The following PXK variants were observed in gnomAD, a reference collection of about 807,000 sequenced individuals.
PXK encodes PX domain containing serine/threonine kinase like, also known as PX domain-containing protein kinase-like protein.
In PXK, 35 loss-of-function variants were observed where a neutral mutation model predicts 84.7. That is an observed-to-expected ratio of 0.41 (90% CI 0.32 to 0.55). PXK has a LOEUF of 0.55. Ranked by LOEUF, PXK falls within the 20% of genes least tolerant of loss-of-function variation. PXK has a pLI of 0.21. For synonymous variants in PXK, 253 were observed against 260.8 expected, an observed-to-expected ratio of 0.97 and a Z score of 0.29; for missense variants, 634 against 699.7, an observed-to-expected ratio of 0.91 and a Z score of 1.06.
In PXK at chr3:58,383,625, C is replaced by T. The variant is rs957447795; in HGVS notation, c.388+925C>T. Among the ~76,000 whole-genome samples the T allele has an allele frequency of 2.0e-4, 30 of 152,138 alleles. No homozygotes were observed. Among genetic ancestry groups the T allele is most frequent in the African/African-American group, 6.8e-4 (28 of 41,416 alleles). On this transcript the variant is annotated intron_variant, in intron 4 of 17. Coordinates refer to ENST00000356151, the MANE Select transcript of PXK (RefSeq NM_017771.5). The surrounding 1 kb of genome is among the most constrained non-coding windows in gnomAD (Gnocchi z 4.0). The stretch of plus-strand genomic sequence containing the variant: ...GTTGAAAGGGCTTCTCTTCCAGTAC[C>T]GATTACACTCAAAGCTGGCATGAAT...
At position 58,390,594 on chromosome 3, in the gene PXK, A is replaced by C. The variant is rs763738578; in HGVS notation, c.401A>C (p.Gln134Pro). The C allele has an allele frequency of 5.0e-6, 8 of 1,613,022 alleles. No homozygotes were observed. The highest frequency in any genetic ancestry group is 6.8e-6 in the Non-Finnish European group (8 of 1,179,404). Residue 134 changes from glutamine to proline, a missense_variant, in exon 5 of 18, where the codon CAA (glutamine) becomes CCA (proline). This residue lies in a region of PXK where 353 missense variants were observed against 385.2 expected (regional missense o/e 0.92). Coordinates refer to ENST00000356151, the MANE Select transcript of PXK (RefSeq NM_017771.5). The surrounding 1 kb of genome is among the most constrained non-coding windows in gnomAD (Gnocchi z 4.2). ...AATGTCTTTGCAGAGATTGCCTTGCAACAGGTTTCCATGTTCTTCCGATCA... is the reference window on the plus strand; with the variant it reads ...AATGTCTTTGCAGAGATTGCCTTGCCACAGGTTTCCATGTTCTTCCGATCA... ...YSANYTEIALQQVSMFFRSEP... is the reference protein window; with the variant it reads ...YSANYTEIALPQVSMFFRSEP...
intron 8 of PXK, 56 bp from the exon 9 acceptor site, chr3:58,395,602 G>T: frequency 7.5e-7 from 1 of 1,332,670 alleles, no homozygotes; most frequent in Non-Finnish European, 1.1e-6. Flanking sequence ...GGGAGTCTGT[G>T]TGCAGATATT....
intron 17 of PXK, 21 bp from the exon 18 acceptor site, chr3:58,424,731 T>G (rs1323361218): frequency 6.8e-6 from 11 of 1,610,342 alleles, no homozygotes; most frequent in Non-Finnish European, 9.3e-6. Flanking sequence ...GAATACTGAT[T>G]GTCCCCCTTT....
chr3:58,415,721 A>AT (rs2060854857), intron 17 of PXK, among the ~76,000 whole-genome samples: 1 of 152,256 alleles, frequency 6.6e-6, no homozygotes, highest in Admixed American at 6.5e-5. Context: ...AAAGGAAGGC[A>AT]TTTATTGCAG....
chr3:58,343,223 G>A (rs1267423174), intron 1 of PXK, among the ~76,000 whole-genome samples: 2 of 152,108 alleles, frequency 1.3e-5, no homozygotes, highest in Non-Finnish European at 2.9e-5. Flanking sequence ...TCCTGGGCAG[G>A]GACTCATTGC....
intron 1 of PXK, among the ~76,000 whole-genome samples, chr3:58,336,119 C>G (rs1159671876): frequency 1.5e-5 from 2 of 136,512 alleles, no homozygotes; most frequent in Non-Finnish European, 3.1e-5. Flanking sequence ...CTGTGTTGCC[C>G]AGGCTGGTCT....
Position 58,377,616 on chromosome 3 carries a change from A to G in PXK, c.202-4898A>G, listed in dbSNP as rs556086127. Among the ~76,000 whole-genome samples the G allele has an allele frequency of 4.3e-4, 65 of 149,532 alleles. No individual in the cohort carries two copies. The East Asian group carries it at 8.9e-3, about 20-fold the overall frequency. On this transcript the variant is annotated intron_variant, in intron 3 of 17. Coordinates refer to ENST00000356151, the MANE Select transcript of PXK (RefSeq NM_017771.5). Reference sequence around the variant, plus strand: ...ACCCTATCTCTTTCTAAAAAAAAAAAAAAAGAAAAGAAAGAAAAGACTAAA... The same window carrying G: ...ACCCTATCTCTTTCTAAAAAAAAAAGAAAAGAAAAGAAAGAAAAGACTAAA...
At position 58,421,383 on chromosome 3, in the gene PXK, C is replaced by G. The variant is rs2061822902; in HGVS notation, c.1529-3369C>G. The stretch of plus-strand genomic sequence containing the variant: ...GATCACAAGGATCAGGAGTTCAAGA[C>G]CAACCTGGCCAACATGGTGAAACCC... On this transcript the variant is annotated intron_variant, in intron 17 of 17. Coordinates refer to ENST00000356151, the MANE Select transcript of PXK (RefSeq NM_017771.5). The surrounding 1 kb of genome is among the most constrained non-coding windows in gnomAD (Gnocchi z 5.5). 3 of 908,080 alleles carry G rather than the reference C, an allele frequency of 3.3e-6. No homozygotes were observed. Among genetic ancestry groups the G allele is most frequent in the Non-Finnish European group, 3.9e-6 (3 of 759,854 alleles). 56.3% of individuals were successfully genotyped at this position (908,080 alleles called of 1,614,324 possible). A position where few individuals can be genotyped will look rare whatever the true frequency, so the allele number is the denominator to read the frequency against.
At chr3:58,357,801 T>G (rs2098117095) in intron 1 of PXK, among the ~76,000 whole-genome samples, 1 of 152,096 alleles carries the variant, frequency 6.6e-6, no homozygotes, top group South Asian at 2.1e-4. Flanking sequence ...AATACAAAAA[T>G]TAGCCTGGCT....
chr3:58,387,524 A>G (rs12495490), intron 4 of PXK, among the ~76,000 whole-genome samples: 44,578 of 152,018 alleles, frequency 0.29, 7,320 homozygotes, highest in Middle Eastern at 0.39. Context: ...TTGGGGAAGG[A>G]GGCGGGGGCA....
At chr3:58,408,554 G>T (rs1196308968) in intron 13 of PXK, among the ~76,000 whole-genome samples, 11 of 147,756 alleles carry the variant, frequency 7.4e-5, no homozygotes, top group Non-Finnish European at 1.2e-4. Flanking sequence ...ATGGAGTCTC[G>T]CTCTGTCACC....
rs759467098 is a variant in PXK at position 58,391,827 on chromosome 3, A to C, written c.595A>C (p.Lys199Gln). 2.5e-6 allele frequency: 4 copies of C among 1,612,640 alleles called. No homozygotes were observed. The Admixed American group carries it at 6.7e-5, about 27-fold the overall frequency. The change falls in exon 7 of 18, where the codon AAA becomes CAA. Residue 199 changes from lysine to glutamine, a missense_variant. Lys to Gln is a moderately conservative substitution (Grantham distance 53). Coordinates refer to ENST00000356151, the MANE Select transcript of PXK (RefSeq NM_017771.5). ...AGATAAAGATTTTCAGTGTCTAATC[A>C]AACTTCTGCCTTCTTGTTTGGTGAG... ...LSDKDFQCLI[K>Q]LLPSCLHPYI... is the part of the protein sequence containing the mutation.
At chr3:58,381,206 G>A (rs2098498037) in intron 3 of PXK, among the ~76,000 whole-genome samples, 1 of 138,342 alleles carries the variant, frequency 7.2e-6, no homozygotes, top group Admixed American at 7.9e-5. Flanking sequence ...CCGAGATCAC[G>A]CCACTGCACT....
At chr3:58,343,915 C>T (rs2097775811) in intron 1 of PXK, among the ~76,000 whole-genome samples, 1 of 152,224 alleles carries the variant, frequency 6.6e-6, no homozygotes, top group South Asian at 2.1e-4. Flanking sequence ...TTTCCTTCCT[C>T]TGAAATTCCC....
intron 1 of PXK, among the ~76,000 whole-genome samples, chr3:58,358,248 C>T (rs2098124535): frequency 6.6e-6 from 1 of 152,178 alleles, no homozygotes; most frequent in Non-Finnish European, 1.5e-5. Context: ...ACAGCATATT[C>T]TTCGTGTCTT....
At chr3:58,392,782 C>T (rs1349206257) in intron 7 of PXK, among the ~76,000 whole-genome samples, 1 of 151,816 alleles carries the variant, frequency 6.6e-6, no homozygotes, top group Non-Finnish European at 1.5e-5. Flanking sequence ...CTGCCTCAGC[C>T]TCCCAAGTAG....
At chr3:58,384,474 C>A (rs1324748517) in intron 4 of PXK, among the ~76,000 whole-genome samples, 1 of 98,204 alleles carries the variant, frequency 1.0e-5, no homozygotes, top group East Asian at 3.3e-4. Context: ...GGATTCCATT[C>A]CTGCCTTCAC....
Position 58,383,185 on chromosome 3 carries a change from G to A in PXK, c.388+485G>A, listed in dbSNP as rs1040177607. ...CACATGCCTGTAATCCTAGCTACTC[G>A]GGAGGCTGAGGCAGGAGAATCGCTT... On this transcript the variant is annotated intron_variant, in intron 4 of 17. Coordinates refer to ENST00000356151, the MANE Select transcript of PXK (RefSeq NM_017771.5). The surrounding 1 kb of genome is among the most constrained non-coding windows in gnomAD (Gnocchi z 4.0). Among the ~76,000 whole-genome samples the A allele has an allele frequency of 6.6e-5, 10 of 152,136 alleles. No homozygotes were observed. Among genetic ancestry groups the A allele is most frequent in the African/African-American group, 2.2e-4 (9 of 41,498 alleles).
Position 58,333,364 on chromosome 3 carries a change from C to G in PXK, c.102+274C>G, listed in dbSNP as rs996268383. On this transcript the variant is annotated intron_variant, in intron 1 of 17. Coordinates refer to ENST00000356151, the MANE Select transcript of PXK (RefSeq NM_017771.5). This position sits in a 1 kb window ranked among gnomAD's most constrained non-coding sequence, Gnocchi z 5.4. The stretch of plus-strand genomic sequence containing the variant: ...CTCGGCGGCGACCAGGAAAGCGACT[C>G]CGAGTTGGGGGGCGGGGGCGGGGGC... 12 of 294,466 alleles carry G rather than the reference C, an allele frequency of 4.1e-5. No homozygotes were observed. Among genetic ancestry groups the G allele is most frequent in the African/African-American group, 2.8e-4 (12 of 43,166 alleles). The allele number at this position is 294,466 out of a possible 1,614,324, so 18.2% of individuals were successfully genotyped here.
Sources: allele counts gnomAD v4.1 joint callset (sites outside exome capture counted in the v4.1 genomes callset), GRCh38; gene constraint gnomAD v4.1.1; regional missense constraint gnomAD v4.1.1; non-coding constraint Gnocchi (gnomAD v3.1); transcripts MANE v1.5; gene names NCBI Gene and HGNC (gene_info 2026-07-23, HGNC 2026-07-21).